Variants in GDPD4 observed in about 807,000 individuals in gnomAD.
GDPD4 encodes glycerophosphodiester phosphodiesterase domain containing 4, also known as glycerophosphodiester phosphodiesterase 6.
Under a neutral mutation model 67.8 loss-of-function variants are expected in GDPD4, and 60 were observed. The observed-to-expected ratio is 0.88, with a 90% CI of 0.72 to 1.10. The LOEUF is 1.10. Among genes scored for constraint, GDPD4 ranks in the 50% least tolerant of loss-of-function variants. The pLI is 0.00. For missense variants in GDPD4, 623 were observed against 613.9 expected (o/e 1.01, Z -0.16); for synonymous variants, 212 against 210.9 (o/e 1.00, Z -0.04).
chr11:77,222,811 T>C (rs1266467555), intron 16 of GDPD4, among the ~76,000 whole-genome samples: 2 of 152,242 alleles, frequency 1.3e-5, no homozygotes, highest in Non-Finnish European at 1.5e-5. Flanking sequence ...TCCTGGATAA[T>C]ATCCTGAAGA....
chr11:77,231,973 G>C (rs945661206), intron 14 of GDPD4, among the ~76,000 whole-genome samples: 6 of 152,142 alleles, frequency 3.9e-5, no homozygotes, highest in African/African-American at 1.4e-4. Flanking sequence ...GCAGTTACTG[G>C]CCCTGTAAGA....
Position 77,271,117 on chromosome 11 carries a change from C to A in GDPD4, c.400+13G>T. ...CTGAAGAAATAGGCAGGGTTCTGCCCTATGTGACATACCTTCTCTTTCCAA... is the reference window on the plus strand; with the variant it reads ...CTGAAGAAATAGGCAGGGTTCTGCCATATGTGACATACCTTCTCTTTCCAA... On this transcript the variant is annotated intron_variant, in intron 7 of 16. Transcript: ENST00000315938. 2 of 1,570,350 alleles carry A rather than the reference C, an allele frequency of 1.3e-6. No individual in the cohort carries two copies. Among genetic ancestry groups the A allele is most frequent in the South Asian group, 2.2e-5 (2 of 89,520 alleles).
In GDPD4 at chr11:77,265,411, T is replaced by A. The variant is rs967410063; in HGVS notation, c.707+3046A>T. Among the ~76,000 whole-genome samples, 232 of 152,302 alleles carry A rather than the reference T, an allele frequency of 1.5e-3. 3 individuals are homozygous for A. Among genetic ancestry groups the A allele is most frequent in the Non-Finnish European group, 2.2e-4 (15 of 68,004 alleles). On this transcript the variant is annotated intron_variant, in intron 10 of 16. Coordinates refer to ENST00000315938, the MANE Select transcript of GDPD4 (RefSeq NM_182833.3). ...TAAAATGTCAGAATGGATCATCTTC[T>A]GATTTTAGAATCACTTTATCTATAT...
intron 16 of GDPD4, among the ~76,000 whole-genome samples, chr11:77,217,536 C>G (rs1025390268): frequency 2.6e-5 from 4 of 152,158 alleles, no homozygotes; most frequent in Non-Finnish European, 5.9e-5. Context: ...GCATGAGGCT[C>G]TAGCTCACCA....
intron 10 of GDPD4, among the ~76,000 whole-genome samples, chr11:77,259,037 T>G (rs1354675570): frequency 6.6e-6 from 1 of 152,182 alleles, no homozygotes; most frequent in Non-Finnish European, 1.5e-5. Context: ...CAGACTGGAG[T>G]GCAGTGGCAT....
chr11:77,250,629 T>C (rs1016155042), intron 11 of GDPD4, among the ~76,000 whole-genome samples: 2 of 152,236 alleles, frequency 1.3e-5, no homozygotes, highest in Non-Finnish European at 2.9e-5. Flanking sequence ...AGAGAATGTG[T>C]ATTCCATAGC....
At chr11:77,240,485 A>G (rs556600231) in intron 13 of GDPD4, among the ~76,000 whole-genome samples, 1 of 152,322 alleles carries the variant, frequency 6.6e-6, no homozygotes, top group African/African-American at 2.4e-5. Context: ...CAAAAATCAA[A>G]TCAAAATGGA....
At chr11:77,265,070 T>C (rs1959172094) in intron 10 of GDPD4, among the ~76,000 whole-genome samples, 1 of 152,218 alleles carries the variant, frequency 6.6e-6, no homozygotes, top group South Asian at 2.1e-4. Flanking sequence ...CCACAATTTG[T>C]CTCTGCCCCC....
rs117834709 is a variant in GDPD4, at chr11:77,286,063, A to G, written c.-50-876T>C. Among the ~76,000 whole-genome samples the G allele has an allele frequency of 9.0e-3, 1,372 of 152,212 alleles. 11 individuals carry two copies. Among genetic ancestry groups the G allele is most frequent in the Middle Eastern group, 0.027 (8 of 294 alleles). ...AGTCAAATTCTTAAAACCACACAAC[A>G]TTGGACCCATCTCCCTCTCTAGCTT... On this transcript the variant is annotated intron_variant, in intron 2 of 16. Transcript: ENST00000315938.
In GDPD4 at chr11:77,245,272, T is replaced by G; in HGVS notation, c.1086+9A>C. The G allele has an allele frequency of 1.2e-6, 2 of 1,609,708 alleles. No individual in the cohort carries two copies. The highest frequency in any genetic ancestry group is 1.7e-6 in the Non-Finnish European group (2 of 1,175,986). The stretch of plus-strand genomic sequence containing the variant: ...CCAACCTATGTCATAAATACTGAGA[T>G]AGACTTACCAGATGTTGCTCGATTT... On this transcript the variant is annotated intron_variant, in intron 12 of 16. Coordinates refer to ENST00000315938, the MANE Select transcript of GDPD4 (RefSeq NM_182833.3).
intron 11 of GDPD4, among the ~76,000 whole-genome samples, chr11:77,251,142 G>A (rs1037411244): frequency 2.0e-5 from 3 of 152,038 alleles, no homozygotes; most frequent in African/African-American, 7.2e-5. Flanking sequence ...TTACATTCAA[G>A]GTTATTATAA....
chr11:77,297,068 A>AC (rs1937996377), intron 1 of GDPD4, among the ~76,000 whole-genome samples: 1 of 146,574 alleles, frequency 6.8e-6, no homozygotes, highest in Non-Finnish European at 1.5e-5. Flanking sequence ...AACAAAAAAA[A>AC]AAAAACAAAA....
At chr11:77,288,126 C>A (rs1023968466) in intron 1 of GDPD4, among the ~76,000 whole-genome samples, 1 of 152,122 alleles carries the variant, frequency 6.6e-6, no homozygotes, top group Non-Finnish European at 1.5e-5. Flanking sequence ...CAATGCCTAC[C>A]CACACATGCC....
chr11:77,279,214 TC>T, intron 4 of GDPD4, 91 bp downstream of exon 4: 2 of 719,942 alleles, frequency 2.8e-6, no homozygotes, highest in Non-Finnish European at 2.4e-6. Context: ...GTTCTGAGAG[TC>T]CCCAGTACCA....
At chr11:77,271,085 G>A (rs1294220392) in intron 7 of GDPD4, 45 bp downstream of exon 7, 1 of 1,361,158 alleles carries the variant, frequency 7.3e-7, no homozygotes, top group Non-Finnish European at 1.0e-6. Context: ...GCAAGCTAAA[G>A]CCAGAGCTGA....
At chr11:77,251,539 A>G (rs1303842030) in intron 11 of GDPD4, among the ~76,000 whole-genome samples, 6 of 151,712 alleles carry the variant, frequency 4.0e-5, no homozygotes, top group African/African-American at 1.5e-4. Flanking sequence ...ACCTCATTCT[A>G]CTCTCTCCTG....
intron 1 of GDPD4, among the ~76,000 whole-genome samples, chr11:77,293,490 G>C (rs184258558): frequency 6.6e-6 from 1 of 152,072 alleles, no homozygotes; most frequent in African/African-American, 2.4e-5. Flanking sequence ...AGCTTCTTGG[G>C]AGGCTGAGGC....
At chr11:77,274,239 T>A (rs771910715) in intron 5 of GDPD4, among the ~76,000 whole-genome samples, 7 of 152,230 alleles carry the variant, frequency 4.6e-5, no homozygotes, top group Middle Eastern at 6.3e-3. Flanking sequence ...GCTCCATCTA[T>A]TCTAATAACT....
chr11:77,288,875 G>T (rs1009489829), intron 1 of GDPD4, among the ~76,000 whole-genome samples: 1 of 152,100 alleles, frequency 6.6e-6, no homozygotes, highest in Non-Finnish European at 1.5e-5. Flanking sequence ...TACTCAATGA[G>T]ATACAAGAGA....
Sources: gnomAD v4.1 joint callset for allele counts (sites outside exome capture counted in the v4.1 genomes callset) on GRCh38, gnomAD v4.1.1 for gene constraint, MANE v1.5 for transcripts, NCBI Gene and HGNC (gene_info 2026-07-23, HGNC 2026-07-21) for gene names.